C21orf58: variants seen among roughly 807,000 people sequenced by gnomAD.
The protein encoded by C21orf58 is uncharacterized protein C21orf58.
Under a neutral mutation model 35.8 loss-of-function variants are expected in C21orf58, and 34 were observed. The ratio of observed to expected loss-of-function variants is 0.95; its 90% CI spans 0.72 to 1.26. The LOEUF (loss-of-function observed/expected upper bound fraction) is 1.26, where lower values mean the gene tolerates loss of function less well. Among genes scored for constraint, C21orf58 ranks in the 50% most tolerant of loss-of-function variants. The probability of loss-of-function intolerance (pLI) is 0.00; values close to 1 mark genes in which losing one functional copy is unlikely to be tolerated. For missense variants in C21orf58, 440 were observed against 414.3 expected, an observed-to-expected ratio of 1.06 and a Z score of -0.54; for synonymous variants, 191 against 175.8, an observed-to-expected ratio of 1.09 and a Z score of -0.68.
intron 6 of C21orf58, among the ~76,000 whole-genome samples, chr21:46,310,858 TA>T (rs1241488708): frequency 6.6e-6 from 1 of 151,362 alleles, no homozygotes; most frequent in Non-Finnish European, 1.5e-5. Context: ...ATCAAGTATT[TA>T]AAAGCTATTA....
intron 6 of C21orf58, among the ~76,000 whole-genome samples, chr21:46,303,925 G>C (rs2082295545): frequency 7.3e-6 from 1 of 136,112 alleles, no homozygotes; most frequent in Non-Finnish European, 1.6e-5. Flanking sequence ...CTAATTTTTT[G>C]TATTTTTTGT....
intron 1 of C21orf58, chr21:46,322,322 C>T (rs1247498471): frequency 2.5e-6 from 1 of 397,532 alleles, no homozygotes; most frequent in Non-Finnish European, 3.4e-6. Context: ...AAATAAGACC[C>T]AAGTCCAACA....
chr21:46,308,210 C>T (rs2082510412), intron 6 of C21orf58, among the ~76,000 whole-genome samples: 1 of 152,084 alleles, frequency 6.6e-6, no homozygotes, highest in Admixed American at 6.6e-5. Flanking sequence ...CGCCCATAAT[C>T]CCAGCACTTT....
At chr21:46,311,060 T>C (rs970734983) in intron 6 of C21orf58, among the ~76,000 whole-genome samples, 7 of 151,900 alleles carry the variant, frequency 4.6e-5, no homozygotes, top group African/African-American at 1.7e-4. Flanking sequence ...TTAGTAGAGA[T>C]GGGGTTTCAC....
chr21:46,304,873 T>C (rs1451392968), intron 6 of C21orf58, among the ~76,000 whole-genome samples: 1 of 152,238 alleles, frequency 6.6e-6, no homozygotes, highest in Non-Finnish European at 1.5e-5. Flanking sequence ...ATCCATACAA[T>C]GGACTGTTAC....
chr21:46,312,355 G>A (rs1230135219), intron 5 of C21orf58, among the ~76,000 whole-genome samples: 1 of 151,978 alleles, frequency 6.6e-6, no homozygotes, highest in Non-Finnish European at 1.5e-5. Flanking sequence ...TCTTGCTCTT[G>A]TCGCCCAGGC....
intron 6 of C21orf58, among the ~76,000 whole-genome samples, chr21:46,306,909 T>A (rs1165577396): frequency 6.8e-6 from 1 of 147,926 alleles, no homozygotes; most frequent in Non-Finnish European, 1.5e-5. Context: ...TTATTTATTT[T>A]TTTTAAGACA....
intron 5 of C21orf58, among the ~76,000 whole-genome samples, chr21:46,312,609 G>A (rs980155791): frequency 7.2e-5 from 11 of 152,120 alleles, no homozygotes; most frequent in Admixed American, 3.3e-4. Flanking sequence ...ATGCAGTAGC[G>A]GTTGGCCACC....
intron 1 of C21orf58, among the ~76,000 whole-genome samples, chr21:46,320,196 G>A (rs1008962571): frequency 2.6e-5 from 4 of 151,342 alleles, no homozygotes; most frequent in Non-Finnish European, 5.9e-5. Flanking sequence ...TCCGCCTCCC[G>A]GGTTCAAGTG....
chr21:46,301,932 A>G lies in C21orf58; in HGVS notation c.*67T>C. 7.1e-7 allele frequency: 1 copy of G among 1,404,598 alleles called. No homozygotes were observed. The highest frequency in any genetic ancestry group is 9.2e-7 in the Non-Finnish European group (1 of 1,082,016). The allele number at this position is 1,404,598 out of a possible 1,614,324, so 87.0% of individuals were successfully genotyped here. A position where few individuals can be genotyped will look rare whatever the true frequency, so the allele number is the denominator to read the frequency against. On this transcript the variant is annotated 3_prime_UTR_variant, in exon 8 of 8. Transcript: ENST00000291691. ...CCCTGCTCCCTTCCATAGTCCCGCC[A>G]CAGCCCACAGCCCTGAGGAAGCCTG...
intron 2 of C21orf58, among the ~76,000 whole-genome samples, chr21:46,317,525 T>TAGAA: frequency 6.6e-6 from 1 of 152,298 alleles, no homozygotes; most frequent in Non-Finnish European, 1.5e-5. Flanking sequence ...TTCAGGCAGA[T>TAGAA]TTCTGAAGAG....
chr21:46,301,802 C>T lies in C21orf58; in HGVS notation c.*197G>A. 1 of 1,246,184 alleles carries T rather than the reference C, an allele frequency of 8.0e-7. No homozygotes were observed. Among genetic ancestry groups the T allele is most frequent in the Non-Finnish European group, 1.0e-6 (1 of 996,240 alleles). 77.2% of individuals were successfully genotyped at this position (1,246,184 alleles called of 1,614,324 possible). On this transcript the variant is annotated 3_prime_UTR_variant, in exon 8 of 8. Transcript: ENST00000291691. ...TGCAGGGGACCCGGAGCAAGGGATGCCCCCTGGAATGGCCCCGTGACCAGA... is the reference window on the plus strand; with the variant it reads ...TGCAGGGGACCCGGAGCAAGGGATGTCCCCTGGAATGGCCCCGTGACCAGA...
chr21:46,302,726 G>C, intron 6 of C21orf58, 150 bp from the exon 7 acceptor site: 1 of 636,688 alleles, frequency 1.6e-6, no homozygotes, highest in Non-Finnish European at 2.8e-6. Context: ...ACACGGTGCG[G>C]GTCCCCGGGG....
chr21:46,300,614 T>A, downstream of C21orf58: 4 of 1,196,232 alleles, frequency 3.3e-6, no homozygotes, highest in Non-Finnish European at 4.2e-6. Context: ...GTAGCTGCGC[T>A]GGGCCCTTCG....
chr21:46,311,423 C>A, intron 6 of C21orf58, 33 bp downstream of exon 6: 1 of 1,307,084 alleles, frequency 7.7e-7, no homozygotes, highest in South Asian at 1.5e-5. Flanking sequence ...ATAATTTCCT[C>A]AACCCACAAC....
chr21:46,319,790 G>A (rs533205262), intron 1 of C21orf58, among the ~76,000 whole-genome samples: 131 of 152,040 alleles, frequency 8.6e-4, no homozygotes, highest in African/African-American at 2.7e-3. Flanking sequence ...CCAGCTACTC[G>A]GGAGGCTGAG....
intron 1 of C21orf58, among the ~76,000 whole-genome samples, chr21:46,321,171 T>C (rs1392307841): frequency 2.6e-5 from 4 of 152,072 alleles, no homozygotes; most frequent in Non-Finnish European, 5.9e-5. Context: ...ATGTTATATA[T>C]ATATATATTT....
chr21:46,301,491 T>C lies in C21orf58; in HGVS notation c.*508A>G. The C allele has an allele frequency of 3.0e-6, 3 of 984,224 alleles. No homozygotes were observed. Among genetic ancestry groups the C allele is most frequent in the Non-Finnish European group, 3.6e-6 (3 of 828,902 alleles). 61.0% of individuals were successfully genotyped at this position (984,224 alleles called of 1,614,324 possible). A position where few individuals can be genotyped will look rare whatever the true frequency, so the allele number is the denominator to read the frequency against. The stretch of plus-strand genomic sequence containing the variant: ...CCACAGCTGTGGACACAGGTGTCCC[T>C]AGTTATTAAATTAGACTTTGTGGTA... On this transcript the variant is annotated 3_prime_UTR_variant, in exon 8 of 8. Coordinates refer to ENST00000291691, the MANE Select transcript of C21orf58 (RefSeq NM_058180.5).
chr21:46,320,205 T>A (rs1000641965), intron 1 of C21orf58, among the ~76,000 whole-genome samples: 1 of 151,702 alleles, frequency 6.6e-6, no homozygotes, highest in Non-Finnish European at 1.5e-5. Flanking sequence ...CGGGTTCAAG[T>A]GATTCTCCTG....
Sources: gnomAD v4.1 joint callset for allele counts (sites outside exome capture counted in the v4.1 genomes callset) on GRCh38, gnomAD v4.1.1 for gene constraint, MANE v1.5 for transcripts, NCBI Gene and HGNC (gene_info 2026-07-23, HGNC 2026-07-21) for gene names.